The following MAST3 variants were observed in gnomAD, a reference collection of about 807,000 sequenced individuals.
MAST3 encodes the protein microtubule associated serine/threonine kinase 3.
A neutral mutation model predicts 127.0 loss-of-function variants in MAST3; 43 were observed. The observed-to-expected ratio is 0.34, with a 90% CI of 0.27 to 0.44. MAST3 has a LOEUF of 0.44. MAST3 is among the 20% of genes least tolerant of loss of function. The probability of loss-of-function intolerance (pLI) is 1.00; values close to 1 mark genes in which losing one functional copy is unlikely to be tolerated. For synonymous variants in MAST3, 785 were observed against 809.2 expected (o/e 0.97, Z 0.51); for missense variants, 1,390 against 1,919.1 (o/e 0.72, Z 5.15).
At chr19:18,134,301 C>T (rs964580171) in intron 15 of MAST3, among the ~76,000 whole-genome samples, 4 of 152,120 alleles carry the variant, frequency 2.6e-5, no homozygotes, top group African/African-American at 7.2e-5. Context: ...CCTGTCATGC[C>T]AGCACTTTCA....
intron 13 of MAST3, chr19:18,129,171 C>T: frequency 1.7e-6 from 1 of 574,606 alleles, no homozygotes; most frequent in Middle Eastern, 4.6e-4. Context: ...CCTTTACCTG[C>T]CCCAGGTGTA....
In MAST3 at chr19:18,124,144, A is replaced by T. The variant is rs756446684; in HGVS notation, c.839A>T (p.Gln280Leu). ...CAGGAGAAGCTGGAGCGGCTTCTGC[A>T]GGATGTGCGTGGTTTTTCGCATGTT... ...EMQEKLERLL[Q>L]DAHERSDSEE... Residue 280 changes from glutamine (Q) to leucine (L), a missense_variant, in exon 9 of 28, where the codon CAG becomes CTG. Around this residue, in one of 5 missense-constraint regions of MAST3, gnomAD observed 277 missense variants for 384.8 expected, o/e 0.72. Transcript: ENST00000687212. 1.6e-5 allele frequency: 26 copies of T among 1,608,636 alleles called. No individual in the cohort carries two copies. Among genetic ancestry groups the T allele is most frequent in the Non-Finnish European group, 2.1e-5 (25 of 1,177,894 alleles).
Position 18,142,019 on chromosome 19 carries a change from A to G in MAST3, c.2339+4A>G, listed in dbSNP as rs613339. On this transcript the variant is annotated splice_donor_region_variant and intron_variant, in intron 21 of 27. Transcript: ENST00000687212. ...GCCGGCTGAGTGCTGACATCCGGTA[A>G]GTGGCCTGGGGAAGTGTAGGCAGAT... 1,372,461 of 1,463,694 alleles carry G rather than the reference A, an allele frequency of 0.94. 643,707 individuals carry two copies. The highest frequency in any genetic ancestry group is 0.96 in the East Asian group (36,910 of 38,432). The allele number at this position is 1,463,694 out of a possible 1,614,324, so 90.7% of individuals were successfully genotyped here.
chr19:18,125,060 T>C (rs1327228377), intron 11 of MAST3, among the ~76,000 whole-genome samples: 6 of 151,952 alleles, frequency 3.9e-5, no homozygotes, highest in Admixed American at 2.6e-4. Context: ...TGAGCTGAGA[T>C]CGCGCCACTG....
intron 3 of MAST3, chr19:18,118,348 G>C: frequency 5.3e-6 from 4 of 754,098 alleles, no homozygotes; most frequent in South Asian, 6.0e-5. Context: ...GGACCACGGC[G>C]AGCGTCTGTC....
In MAST3 at chr19:18,144,687, A is replaced by C; in HGVS notation, c.2806A>C (p.Thr936Pro). 1 of 1,607,280 alleles carries C rather than the reference A, an allele frequency of 6.2e-7. No homozygotes were observed. Among genetic ancestry groups the C allele is most frequent in the Non-Finnish European group, 8.5e-7 (1 of 1,179,814 alleles). ...TGTCTCTGCCCTGTCCCTCATCATC[A>C]CGGCAGGTAATGCCCAAGGCCCCTC... ...ASVSALSLII[T>P]ADDGSGGPLM... is the part of the protein sequence containing the mutation. Residue 936 changes from threonine to proline, a missense_variant, in exon 23 of 28, where the codon ACG (threonine) becomes CCG (proline). Around this residue, in one of 5 missense-constraint regions of MAST3, gnomAD observed 816 missense variants for 934.1 expected, o/e 0.87. Coordinates refer to ENST00000687212, the MANE Select transcript of MAST3 (RefSeq NM_001393504.1). The surrounding 1 kb of genome is among the most constrained non-coding windows in gnomAD (Gnocchi z 4.0).
intron 11 of MAST3, among the ~76,000 whole-genome samples, chr19:18,125,086 G>A (rs1238540929): frequency 1.3e-5 from 2 of 151,982 alleles, no homozygotes; most frequent in African/African-American, 2.4e-5. Context: ...CAACCTGGGC[G>A]ACAGAGCGAG....
intron 17 of MAST3, 132 bp downstream of exon 17, chr19:18,135,114 G>A: frequency 9.2e-7 from 1 of 1,081,776 alleles, no homozygotes; most frequent in South Asian, 1.6e-5. Context: ...GGAGGCGGTG[G>A]GGTGCTGAGT....
Position 18,144,347 on chromosome 19 carries a change from G to T in MAST3, c.2585-119G>T. ...GGAGTGCAGGAAGAGGGAACTGCAT[G>T]AGCAAAGGCCAGGAGGCTGGACTGT... On this transcript the variant is annotated intron_variant, in intron 22 of 27. Coordinates refer to ENST00000687212, the MANE Select transcript of MAST3 (RefSeq NM_001393504.1). This position sits in a 1 kb window ranked among gnomAD's most constrained non-coding sequence, Gnocchi z 4.0. The T allele has an allele frequency of 1.1e-6, 1 of 895,148 alleles. No individual in the cohort carries two copies. Among genetic ancestry groups the T allele is most frequent in the South Asian group, 1.5e-5 (1 of 64,620 alleles). 55.5% of individuals were successfully genotyped at this position (895,148 alleles called of 1,614,324 possible).
rs1486118331 is a variant in MAST3 at position 18,124,386 on chromosome 19, G to T, written c.945+20G>T. On this transcript the variant is annotated intron_variant, in intron 10 of 27. Coordinates refer to ENST00000687212, the MANE Select transcript of MAST3 (RefSeq NM_001393504.1). ...TGTCTGGTAAGTTTCTCTTTCTACG[G>T]CCAGCTTGGGGTCCAGGCAGAACTG... 4 of 1,574,346 alleles carry T rather than the reference G, an allele frequency of 2.5e-6. No homozygotes were observed. The highest frequency in any genetic ancestry group is 3.5e-6 in the Non-Finnish European group (4 of 1,158,622).
chr19:18,109,009 A>T (rs2038289750), intron 2 of MAST3, among the ~76,000 whole-genome samples: 1 of 152,128 alleles, frequency 6.6e-6, no homozygotes, highest in African/African-American at 2.4e-5. Flanking sequence ...GGGTGGCTTT[A>T]TCCTGAAGAT....
chr19:18,098,476 G>A (rs1412701707), intron 1 of MAST3, among the ~76,000 whole-genome samples: 1 of 151,964 alleles, frequency 6.6e-6, no homozygotes, highest in African/African-American at 2.4e-5. Context: ...GTTTTCCAAT[G>A]AGCCATAGGG....
At chr19:18,139,197 T>G in intron 20 of MAST3, 73 bp downstream of exon 20, 1 of 1,201,620 alleles carries the variant, frequency 8.3e-7, no homozygotes, top group Non-Finnish European at 1.2e-6. Context: ...CGTATCTGTT[T>G]TTTGATTTTG....
At chr19:18,129,097 G>A (rs2040977053) in intron 13 of MAST3, 146 bp downstream of exon 13, 6 of 700,588 alleles carry the variant, frequency 8.6e-6, no homozygotes, top group Non-Finnish European at 1.2e-5. Context: ...GAGGACTGGA[G>A]GGGGAAGTGG....
At chr19:18,129,055 C>T in intron 13 of MAST3, 104 bp downstream of exon 13, 2 of 981,240 alleles carry the variant, frequency 2.0e-6, no homozygotes, top group Non-Finnish European at 3.2e-6. Flanking sequence ...AGGGCTCACA[C>T]ATTCATCCTT....
At chr19:18,115,026 A>G (rs986512580) in intron 3 of MAST3, among the ~76,000 whole-genome samples, 1 of 152,166 alleles carries the variant, frequency 6.6e-6, no homozygotes, top group Non-Finnish European at 1.5e-5. Flanking sequence ...TCAAATGCCA[A>G]TGTCACAGAG....
intron 14 of MAST3, among the ~76,000 whole-genome samples, chr19:18,131,319 C>T (rs1266548636): frequency 6.6e-6 from 1 of 151,882 alleles, no homozygotes; most frequent in Non-Finnish European, 1.5e-5. Flanking sequence ...GCGGAGCTTG[C>T]AGTGAGCCGA....
intron 2 of MAST3, among the ~76,000 whole-genome samples, chr19:18,109,044 C>T (rs926987465): frequency 1.3e-5 from 2 of 152,088 alleles, no homozygotes; most frequent in Non-Finnish European, 2.9e-5. Flanking sequence ...AGGAAGTGAC[C>T]TTTGAGCTTA....
intron 12 of MAST3, 100 bp downstream of exon 12, chr19:18,128,558 G>A: frequency 1.6e-6 from 2 of 1,221,966 alleles, no homozygotes; most frequent in Non-Finnish European, 2.3e-6. Context: ...CTTGCATGTA[G>A]CTTAATTAGC....
Sources: allele counts gnomAD v4.1 joint callset (sites outside exome capture counted in the v4.1 genomes callset), GRCh38; gene constraint gnomAD v4.1.1; regional missense constraint gnomAD v4.1.1; non-coding constraint Gnocchi (gnomAD v3.1); transcripts MANE v1.5; gene names NCBI Gene and HGNC (gene_info 2026-07-23, HGNC 2026-07-21).